Variants in QSER1 observed in about 807,000 individuals in gnomAD.
The protein encoded by QSER1 is glutamine and serine-rich protein 1.
Under a neutral mutation model 158.5 loss-of-function variants are expected in QSER1, and 49 were observed. That is an observed-to-expected ratio of 0.31 (90% CI 0.25 to 0.39). QSER1 has a LOEUF of 0.39. Among genes scored for constraint, QSER1 ranks in the 10% least tolerant of loss-of-function variants. QSER1 has a pLI of 1.00. For missense variants in QSER1, 1,754 were observed against 2,010.3 expected (o/e 0.87, Z 2.44); for synonymous variants, 650 against 715.5 (o/e 0.91, Z 1.46).
chr11:32,970,351 G>A (rs575957539), intron 10 of QSER1, among the ~76,000 whole-genome samples: 187 of 152,298 alleles, frequency 1.2e-3, no homozygotes, highest in African/African-American at 4.3e-3. Context: ...TTAGAAGCTA[G>A]TAAGAAATCC....
At chr11:32,955,451 A>G (rs766583724) in intron 6 of QSER1, 39 bp downstream of exon 6, 23 of 937,244 alleles carry the variant, frequency 2.5e-5, no homozygotes, top group African/African-American at 5.1e-5. Context: ...TTATTTTGAC[A>G]GTGGTCCTGA....
chr11:32,972,402 G>GTGGC (rs1240986124), intron 10 of QSER1, among the ~76,000 whole-genome samples: 1 of 145,364 alleles, frequency 6.9e-6, no homozygotes, highest in Non-Finnish European at 1.5e-5. Context: ...AAATAGGCCA[G>GTGGC]TGGCTTATTT....
At chr11:32,929,109 T>C (rs1852012221) in intron 3 of QSER1, among the ~76,000 whole-genome samples, 1 of 152,002 alleles carries the variant, frequency 6.6e-6, no homozygotes, top group African/African-American at 2.4e-5. Flanking sequence ...TAGGTTTCAA[T>C]TTTGTTTTGT....
At chr11:32,963,424 C>T (rs1194105901) in intron 8 of QSER1, among the ~76,000 whole-genome samples, 5 of 151,978 alleles carry the variant, frequency 3.3e-5, no homozygotes, top group Admixed American at 1.3e-4. Context: ...GGCGCGATCT[C>T]GGCTCACTGC....
intron 1 of QSER1, among the ~76,000 whole-genome samples, chr11:32,903,215 C>T (rs987237982): frequency 1.3e-5 from 2 of 152,070 alleles, no homozygotes; most frequent in Non-Finnish European, 2.9e-5. Flanking sequence ...GGGACATGGG[C>T]TTATACCAGA....
chr11:32,953,684 T>A (rs915821359), intron 4 of QSER1, among the ~76,000 whole-genome samples, 173 bp from the exon 5 acceptor site: 1 of 152,240 alleles, frequency 6.6e-6, no homozygotes, highest in Non-Finnish European at 1.5e-5. Flanking sequence ...AATTCTCACA[T>A]CTTTGATTCT....
intron 11 of QSER1, among the ~76,000 whole-genome samples, 153 bp from the exon 12 acceptor site, chr11:32,975,095 G>T (rs1852948505): frequency 6.6e-6 from 1 of 151,638 alleles, no homozygotes; most frequent in Non-Finnish European, 1.5e-5. Context: ...TTCTTATTTT[G>T]AATAAGTCTC....
intron 8 of QSER1, among the ~76,000 whole-genome samples, chr11:32,963,936 G>A (rs1332147236): frequency 6.6e-6 from 1 of 152,072 alleles, no homozygotes; most frequent in Non-Finnish European, 1.5e-5. Flanking sequence ...CAGAGTGCTG[G>A]GATTATAGGC....
At chr11:32,897,848 A>G (rs1407069769) in intron 1 of QSER1, among the ~76,000 whole-genome samples, 3 of 152,156 alleles carry the variant, frequency 2.0e-5, no homozygotes, top group Admixed American at 1.3e-4. Context: ...GGCCCATCTC[A>G]GTAGTCATAC....
At chr11:32,928,807 A>C (rs1268192169) in intron 3 of QSER1, among the ~76,000 whole-genome samples, 1 of 152,132 alleles carries the variant, frequency 6.6e-6, no homozygotes, top group African/African-American at 2.4e-5. Flanking sequence ...TCTGATGTAA[A>C]TTCCACTAAT....
At chr11:32,958,370 C>G (rs1345840491) in intron 8 of QSER1, among the ~76,000 whole-genome samples, 1 of 151,794 alleles carries the variant, frequency 6.6e-6, no homozygotes, top group Non-Finnish European at 1.5e-5. Context: ...CAGATGATTA[C>G]TAAGAATCAT....
At chr11:32,924,324 G>A (rs1408594699) in intron 1 of QSER1, among the ~76,000 whole-genome samples, 2 of 152,008 alleles carry the variant, frequency 1.3e-5, no homozygotes. Flanking sequence ...AGCACTTTGG[G>A]AGTCCAAAGT....
At position 32,977,917 on chromosome 11, in the gene QSER1, G is replaced by A. The variant is rs892320184; in HGVS notation, c.*1443G>A. 2 of 152,486 alleles carry A rather than the reference G, an allele frequency of 1.3e-5. No homozygotes were observed. Among genetic ancestry groups the A allele is most frequent in the African/African-American group, 4.8e-5 (2 of 41,396 alleles). The allele number at this position is 152,486 out of a possible 1,614,324, so 9.4% of individuals were successfully genotyped here. A position where few individuals can be genotyped will look rare whatever the true frequency, so the allele number is the denominator to read the frequency against. On this transcript the variant is annotated 3_prime_UTR_variant, in exon 13 of 13. Coordinates refer to ENST00000650167, the MANE Select transcript of QSER1 (RefSeq NM_001076786.3). ...ACTGCTCAATGCCCAAATAAGACAC[G>A]CGGATATTGCTATTGTCTTGCTTTT...
At chr11:32,960,512 T>C (rs192191314) in intron 8 of QSER1, among the ~76,000 whole-genome samples, 7 of 152,206 alleles carry the variant, frequency 4.6e-5, no homozygotes, top group Non-Finnish European at 8.8e-5. Flanking sequence ...TAAGCCAAGA[T>C]TGCGCTATTG....
chr11:32,920,169 G>A lies in QSER1; in HGVS notation c.210-6988G>A, dbSNP rs185312516. Among the ~76,000 whole-genome samples, 90 of 152,232 alleles carry A rather than the reference G, an allele frequency of 5.9e-4. 2 individuals are homozygous for A. The Middle Eastern group carries it at 0.037, about 63-fold the overall frequency. ...GTGTCATTGCTTCTGGGCTCTGTCC[G>A]CCAGAGTAAGGAAATACACATGTAG... On this transcript the variant is annotated intron_variant, in intron 1 of 12. Coordinates refer to ENST00000650167, the MANE Select transcript of QSER1 (RefSeq NM_001076786.3).
chr11:32,905,194 C>G (rs1851676552), intron 1 of QSER1, among the ~76,000 whole-genome samples: 1 of 152,140 alleles, frequency 6.6e-6, no homozygotes. Flanking sequence ...TGGCCTAATG[C>G]CATCATTCTC....
Position 32,969,054 on chromosome 11 carries a change from C to T in QSER1, c.5116C>T (p.Leu1706Phe). The change falls in exon 10 of 13, where the codon CTT becomes TTT. Residue 1706 changes from leucine (L) to phenylalanine (F), a missense_variant. Physicochemically the swap from Leu to Phe is conservative, Grantham distance 22. Coordinates refer to ENST00000650167, the MANE Select transcript of QSER1 (RefSeq NM_001076786.3). Reference protein sequence around the residue: ...QALEKSNDELLLPHMKKIDGM... With the variant: ...QALEKSNDELFLPHMKKIDGM... ...TTATAATGTTGTTTCAGATGAGCTA[C>T]TTTTACCTCATATGAAAAAAATAGA... The T allele has an allele frequency of 2.6e-6, 4 of 1,556,960 alleles. No individual in the cohort carries two copies. In the African/African-American group the frequency reaches 5.5e-5, roughly 21 times the overall value.
intron 1 of QSER1, among the ~76,000 whole-genome samples, chr11:32,921,225 A>C (rs1024551691): frequency 2.0e-5 from 3 of 152,242 alleles, no homozygotes; most frequent in Non-Finnish European, 2.9e-5. Context: ...AAACATATTT[A>C]GTGAAAGAAG....
chr11:32,966,529 G>C, intron 9 of QSER1, 92 bp downstream of exon 9: 1 of 1,183,768 alleles, frequency 8.4e-7, no homozygotes, highest in Non-Finnish European at 1.2e-6. Flanking sequence ...TATGTGACTT[G>C]TGTAATATAT....
Sources: allele counts gnomAD v4.1 joint callset (sites outside exome capture counted in the v4.1 genomes callset), GRCh38; gene constraint gnomAD v4.1.1; transcripts MANE v1.5; gene names NCBI Gene and HGNC (gene_info 2026-07-23, HGNC 2026-07-21).